Variants in SNX24 observed in about 807,000 individuals in gnomAD.
SNX24 encodes the protein sorting nexin-24.
A neutral mutation model predicts 28.7 loss-of-function variants in SNX24; 22 were observed. The ratio of observed to expected loss-of-function variants is 0.77; its 90% CI spans 0.55 to 1.10. SNX24 has a LOEUF of 1.10. SNX24 is among the 50% of genes least tolerant of loss of function. The pLI is 0.00. For missense variants in SNX24, 221 were observed against 201.1 expected (o/e 1.10, Z -0.60); for synonymous variants, 69 against 71.5 (o/e 0.96, Z 0.18).
chr5:122,939,667 A>G (rs539667026), intron 2 of SNX24, among the ~76,000 whole-genome samples: 3 of 152,092 alleles, frequency 2.0e-5, no homozygotes, highest in Non-Finnish European at 4.4e-5. Context: ...TGTAGATTGT[A>G]TTTTTCAAAA....
At chr5:122,913,264 G>A (rs1217504348) in intron 1 of SNX24, among the ~76,000 whole-genome samples, 2 of 151,944 alleles carry the variant, frequency 1.3e-5, no homozygotes, top group African/African-American at 2.4e-5. Flanking sequence ...CGGGCAGAGG[G>A]GCTCCTCACT....
chr5:122,994,256 A>C (rs1049053344), intron 3 of SNX24, among the ~76,000 whole-genome samples: 3 of 152,156 alleles, frequency 2.0e-5, no homozygotes, highest in African/African-American at 7.2e-5. Context: ...CTGTGTTCTC[A>C]GTGGAGATGT....
At chr5:122,975,957 C>T (rs1467766423) in intron 3 of SNX24, among the ~76,000 whole-genome samples, 1 of 152,102 alleles carries the variant, frequency 6.6e-6, no homozygotes, top group African/African-American at 2.4e-5. Context: ...TACAATTATT[C>T]TTACATAATT....
At chr5:123,029,143 G>T (rs746913367) in intron 5 of SNX24, 1 of 1,350,992 alleles carries the variant, frequency 7.4e-7, no homozygotes, top group South Asian at 1.4e-5. Flanking sequence ...AAGCCTAAGG[G>T]CACTGAGTGC....
chr5:123,018,630 G>T (rs1762719554), intron 5 of SNX24, among the ~76,000 whole-genome samples: 1 of 152,046 alleles, frequency 6.6e-6, no homozygotes, highest in Non-Finnish European at 1.5e-5. Flanking sequence ...TGGTAATTTG[G>T]GTCCTCCAAA....
intron 1 of SNX24, among the ~76,000 whole-genome samples, chr5:122,847,154 A>T (rs1754676443): frequency 6.6e-6 from 1 of 152,202 alleles, no homozygotes; most frequent in Non-Finnish European, 1.5e-5. Context: ...CAAAGAAAAG[A>T]TGAAGTTGAT....
intron 1 of SNX24, among the ~76,000 whole-genome samples, chr5:122,930,663 C>G (rs886688384): frequency 1.3e-5 from 2 of 152,056 alleles, no homozygotes; most frequent in Non-Finnish European, 2.9e-5. Flanking sequence ...TGCTCTTGTT[C>G]TAATTTTTTT....
rs114371056 is a variant in SNX24, at chr5:123,003,134, C to T, written c.442+1130C>T. Among the ~76,000 whole-genome samples the T allele has an allele frequency of 8.3e-3, 1,260 of 152,294 alleles. 18 individuals are homozygous for T. The highest frequency in any genetic ancestry group is 0.029 in the African/African-American group (1,194 of 41,574). On this transcript the variant is annotated intron_variant, in intron 6 of 6. Coordinates refer to ENST00000261369, the MANE Select transcript of SNX24 (RefSeq NM_014035.4). ...CTTATGAGCAGGAGAAAGGGAACTG[C>T]TCTCTATAGCAAGGATACACGTACT...
chr5:122,914,372 C>T (rs1304713967), intron 1 of SNX24, among the ~76,000 whole-genome samples: 1 of 152,144 alleles, frequency 6.6e-6, no homozygotes, highest in South Asian at 2.1e-4. Context: ...CTTGTTGTGT[C>T]TCTGTCAGGC....
At chr5:122,934,774 A>G (rs996305413) in intron 1 of SNX24, among the ~76,000 whole-genome samples, 5 of 152,316 alleles carry the variant, frequency 3.3e-5, no homozygotes, top group East Asian at 1.9e-4. Flanking sequence ...AGTATTAGGC[A>G]TATTGTGTGT....
intron 3 of SNX24, among the ~76,000 whole-genome samples, chr5:122,946,628 G>A (rs1046794792): frequency 6.6e-6 from 1 of 152,120 alleles, no homozygotes; most frequent in Non-Finnish European, 1.5e-5. Context: ...ATGATGAAGT[G>A]CCAACCTCTT....
chr5:122,915,509 C>T (rs1162680731), intron 1 of SNX24, among the ~76,000 whole-genome samples: 2 of 152,028 alleles, frequency 1.3e-5, no homozygotes, highest in African/African-American at 2.4e-5. Flanking sequence ...ACCTGTAATC[C>T]CAGCTACTCA....
At chr5:123,010,424 G>A (rs2150183300), downstream of SNX24, among the ~76,000 whole-genome samples, 1 of 152,172 alleles carries the variant, frequency 6.6e-6, no homozygotes. Context: ...GGGCAGCTGG[G>A]ATTACAGGCG....
intron 3 of SNX24, chr5:122,998,189 T>A (rs2150173285): frequency 6.6e-6 from 1 of 152,298 alleles, no homozygotes; most frequent in South Asian, 2.1e-4. Context: ...ACTTTTTATT[T>A]TTCTATTTTT....
In SNX24 at chr5:123,009,111, TG is replaced by T; in HGVS notation, c.*1363del. Reference sequence around the variant, plus strand: ...AAGCAAGAACTAAATAATCAAATGTTGTCAACCAAAAGTAATAGTTGGGTAT... The same window carrying T: ...AAGCAAGAACTAAATAATCAAATGTTTCAACCAAAAGTAATAGTTGGGTAT... On this transcript the variant is annotated 3_prime_UTR_variant, in exon 7 of 7. Transcript: ENST00000261369. 2.0e-6 allele frequency: 2 copies of T among 985,648 alleles called. No homozygotes were observed. The highest frequency in any genetic ancestry group is 2.4e-6 in the Non-Finnish European group (2 of 829,702). The allele number at this position is 985,648 out of a possible 1,614,324, so 61.1% of individuals were successfully genotyped here. A position where few individuals can be genotyped will look rare whatever the true frequency, so the allele number is the denominator to read the frequency against.
chr5:122,973,768 A>G (rs1761053272), intron 3 of SNX24, among the ~76,000 whole-genome samples: 1 of 152,232 alleles, frequency 6.6e-6, no homozygotes, highest in Non-Finnish European at 1.5e-5. Flanking sequence ...TTCAGTTTCT[A>G]CAAAAGCCAA....
At chr5:123,000,106 G>C (rs757567491) in intron 4 of SNX24, 100 bp downstream of exon 4, 1 of 811,144 alleles carries the variant, frequency 1.2e-6, no homozygotes, top group African/African-American at 1.7e-5. Flanking sequence ...GTAGCCTGCC[G>C]GCCACGCCCA....
chr5:122,886,601 T>A, intron 1 of SNX24, among the ~76,000 whole-genome samples: 1 of 151,896 alleles, frequency 6.6e-6, no homozygotes, highest in East Asian at 1.9e-4. Flanking sequence ...AATCACGAGG[T>A]CAGGAGTTCG....
chr5:122,931,288 T>C (rs1051599224), intron 1 of SNX24, among the ~76,000 whole-genome samples: 11 of 152,298 alleles, frequency 7.2e-5, no homozygotes, highest in African/African-American at 2.4e-4. Context: ...TGCTAGTTTT[T>C]AAAAATGTAA....
Sources: gnomAD v4.1 joint callset for allele counts (sites outside exome capture counted in the v4.1 genomes callset) on GRCh38, gnomAD v4.1.1 for gene constraint, MANE v1.5 for transcripts, NCBI Gene and HGNC (gene_info 2026-07-23, HGNC 2026-07-21) for gene names.